Variants in SNX6 observed in about 807,000 individuals in gnomAD.
The protein encoded by SNX6 is sorting nexin 6, also known as sorting nexin-6.
A neutral mutation model predicts 63.0 loss-of-function variants in SNX6; 34 were observed. The ratio of observed to expected loss-of-function variants is 0.54; its 90% CI spans 0.41 to 0.72. SNX6 has a LOEUF of 0.72. SNX6 is among the 30% of genes least tolerant of loss of function. SNX6 has a pLI of 0.00. For missense variants in SNX6, 398 were observed against 471.4 expected, an observed-to-expected ratio of 0.84 and a Z score of 1.44; for synonymous variants, 170 against 164.2, an observed-to-expected ratio of 1.04 and a Z score of -0.27.
intron 2 of SNX6, among the ~76,000 whole-genome samples, chr14:34,625,554 G>A (rs921531952): frequency 2.0e-5 from 3 of 151,960 alleles, no homozygotes; most frequent in Non-Finnish European, 4.4e-5. Context: ...CCAACATGGT[G>A]TAACCCTGTC....
At chr14:34,577,048 TCAAAAAA>T (rs963129716) in intron 10 of SNX6, among the ~76,000 whole-genome samples, 2 of 151,790 alleles carry the variant, frequency 1.3e-5, no homozygotes, top group African/African-American at 4.8e-5. Flanking sequence ...AGAGACTGTC[TCAAAAAA>T]CAAAAAACAA....
In SNX6 at chr14:34,629,953, T is replaced by C; in HGVS notation, c.8A>G (p.Glu3Gly). 1 of 1,540,658 alleles carries C rather than the reference T, an allele frequency of 6.5e-7. No individual in the cohort carries two copies. Among genetic ancestry groups the C allele is most frequent in the South Asian group, 1.2e-5 (1 of 82,278 alleles). MM[E>G]GLDDGPDFLS... is the part of the protein sequence containing the mutation. ...GAAGTCCGGGCCGTCGTCCAGGCCT[T>C]CCTGTGGGGTCGGCGGGCACGGCGC... Residue 3 changes from glutamate (E) to glycine (G), a missense_variant and splice_region_variant, in exon 2 of 14, where the codon GAA becomes GGA. By Grantham distance (98) the Glu-to-Gly change is moderately conservative (BLOSUM62 -2). Transcript: ENST00000362031.
chr14:34,578,344 A>AAG (rs1881793503), intron 10 of SNX6, among the ~76,000 whole-genome samples: 1 of 152,062 alleles, frequency 6.6e-6, no homozygotes, highest in African/African-American at 2.4e-5. Flanking sequence ...AAATTAAAGT[A>AAG]AGGCTGGCAC....
At chr14:34,573,022 T>G (rs1262106851) in intron 11 of SNX6, among the ~76,000 whole-genome samples, 1 of 151,950 alleles carries the variant, frequency 6.6e-6, no homozygotes, top group Non-Finnish European at 1.5e-5. Context: ...TACTCTGTTG[T>G]CCAGGCAACA....
intron 9 of SNX6, among the ~76,000 whole-genome samples, chr14:34,583,820 A>G (rs1882040929): frequency 6.7e-6 from 1 of 150,124 alleles, no homozygotes; most frequent in Non-Finnish European, 1.5e-5. Context: ...CTTCTTCCTG[A>G]TAAGAAGAAT....
At chr14:34,572,335 G>C (rs1272883691) in intron 11 of SNX6, among the ~76,000 whole-genome samples, 1 of 152,060 alleles carries the variant, frequency 6.6e-6, no homozygotes, top group Non-Finnish European at 1.5e-5. Flanking sequence ...GAGGCGGGTG[G>C]ATAACTTGAG....
chr14:34,600,873 A>G (rs938891568), intron 6 of SNX6, among the ~76,000 whole-genome samples: 4 of 152,066 alleles, frequency 2.6e-5, no homozygotes, highest in African/African-American at 4.8e-5. Flanking sequence ...CCCTGTCTCT[A>G]TTAAAATATA....
chr14:34,580,728 C>T (rs1200257002), intron 10 of SNX6, among the ~76,000 whole-genome samples: 1 of 151,082 alleles, frequency 6.6e-6, no homozygotes, highest in Non-Finnish European at 1.5e-5. Flanking sequence ...TGCACGGTCA[C>T]AGCTCACTGC....
intron 2 of SNX6, among the ~76,000 whole-genome samples, 180 bp from the exon 3 acceptor site, chr14:34,609,922 A>C (rs922184054): frequency 1.3e-5 from 2 of 152,216 alleles, no homozygotes; most frequent in Non-Finnish European, 2.9e-5. Context: ...GGGCAACGCT[A>C]TTACCTTAAT....
chr14:34,584,330 C>A (rs1478192052), intron 9 of SNX6, among the ~76,000 whole-genome samples: 1 of 151,848 alleles, frequency 6.6e-6, no homozygotes, highest in Non-Finnish European at 1.5e-5. Flanking sequence ...GAAACCAAGT[C>A]TTGCTCTGTC....
In SNX6 at chr14:34,609,762, A is replaced by C; in HGVS notation, c.55-20T>G. 6.9e-7 allele frequency: 1 copy of C among 1,458,636 alleles called. No homozygotes were observed. Among genetic ancestry groups the C allele is most frequent in the Non-Finnish European group, 9.5e-7 (1 of 1,051,660 alleles). The allele number at this position is 1,458,636 out of a possible 1,614,324, so 90.4% of individuals were successfully genotyped here. On this transcript the variant is annotated intron_variant, in intron 2 of 13. Coordinates refer to ENST00000362031, the MANE Select transcript of SNX6 (RefSeq NM_152233.4). ...TTTAAGCTAGAAAAAGAAAACCAGT[A>C]TCTTCATGAAAATCATGTTTTATAT...
Position 34,597,484 on chromosome 14 carries a change from T to A in SNX6, c.612+66A>T. 3 of 946,864 alleles carry A rather than the reference T, an allele frequency of 3.2e-6. No individual in the cohort carries two copies. The South Asian group carries it at 4.3e-5, about 13-fold the overall frequency. 58.7% of individuals were successfully genotyped at this position (946,864 alleles called of 1,614,324 possible). A position where few individuals can be genotyped will look rare whatever the true frequency, so the allele number is the denominator to read the frequency against. On this transcript the variant is annotated intron_variant, in intron 7 of 13. Coordinates refer to ENST00000362031, the MANE Select transcript of SNX6 (RefSeq NM_152233.4). ...TTACTCTAATTCTGCACATTTGAAA[T>A]CTCAATCTATCTCCCTTTTAAAAGA...
rs146577833 is a variant in SNX6, at chr14:34,563,112, G to A, written c.*10C>T. 4.3e-5 allele frequency: 69 copies of A among 1,613,058 alleles called. No individual in the cohort carries two copies. Among genetic ancestry groups the A allele is most frequent in the Middle Eastern group, 1.7e-4 (1 of 6,058 alleles). The stretch of plus-strand genomic sequence containing the variant: ...AGGCAGCCCTTTTTAACAGGAAGGC[G>A]GAGTGTGGCTTATGTGTCTCCATTT... On this transcript the variant is annotated 3_prime_UTR_variant, in exon 14 of 14. Transcript: ENST00000362031.
intron 11 of SNX6, among the ~76,000 whole-genome samples, chr14:34,573,708 G>A (rs557512416): frequency 6.6e-6 from 1 of 151,486 alleles, no homozygotes. Flanking sequence ...GCGCGGTCTC[G>A]GCTCACTGCT....
intron 2 of SNX6, among the ~76,000 whole-genome samples, chr14:34,616,746 G>A (rs1481094951): frequency 6.6e-6 from 1 of 152,092 alleles, no homozygotes; most frequent in African/African-American, 2.4e-5. Context: ...GTTTTATTAA[G>A]GACCGGAGTC....
In SNX6 at chr14:34,588,460, A is replaced by G. The variant is rs11845997; in HGVS notation, c.719-2155T>C. Among the ~76,000 whole-genome samples the G allele has an allele frequency of 9.8e-3, 1,498 of 152,226 alleles. 29 individuals are homozygous for G. The highest frequency in any genetic ancestry group is 0.034 in the African/African-American group (1,419 of 41,544). On this transcript the variant is annotated intron_variant, in intron 8 of 13. Transcript: ENST00000362031. Reference sequence around the variant, plus strand: ...AAGATTGGGTTTCACCATGTTGCCCAGGCTGGTCTCGAACTCCTGAGCTCA... The same window carrying G: ...AAGATTGGGTTTCACCATGTTGCCCGGGCTGGTCTCGAACTCCTGAGCTCA...
chr14:34,597,082 CTCTG>C (rs1882634130), intron 7 of SNX6, among the ~76,000 whole-genome samples: 1 of 152,264 alleles, frequency 6.6e-6, no homozygotes, highest in South Asian at 2.1e-4. Flanking sequence ...AACTCTGCAG[CTCTG>C]TCTGTCCTGC....
At chr14:34,600,641 A>C (rs1209432148) in intron 6 of SNX6, among the ~76,000 whole-genome samples, 2 of 152,220 alleles carry the variant, frequency 1.3e-5, no homozygotes, top group East Asian at 3.9e-4. Context: ...TTTCTGCAAA[A>C]ATTATGAATT....
chr14:34,597,478 T>G (rs191065781), intron 7 of SNX6, 72 bp downstream of exon 7: 1 of 927,192 alleles, frequency 1.1e-6, no homozygotes. Flanking sequence ...TTCTGCACAT[T>G]TGAAATCTCA....
Sources: gnomAD v4.1 joint callset for allele counts (sites outside exome capture counted in the v4.1 genomes callset) on GRCh38, gnomAD v4.1.1 for gene constraint, MANE v1.5 for transcripts, NCBI Gene and HGNC (gene_info 2026-07-23, HGNC 2026-07-21) for gene names.